SGCG: variants seen among roughly 807,000 people sequenced by gnomAD.
SGCG encodes the protein sarcoglycan gamma.
In SGCG, 26 loss-of-function variants were observed where a neutral mutation model predicts 29.3. The observed-to-expected ratio is 0.89, with a 90% confidence interval of 0.65 to 1.23. The LOEUF (loss-of-function observed/expected upper bound fraction) is 1.23, where lower values mean the gene tolerates loss of function less well. SGCG is among the 50% of genes most tolerant of loss of function. SGCG has a pLI of 0.00. For missense variants in SGCG, 353 were observed against 356.0 expected (o/e 0.99, Z 0.07); for synonymous variants, 145 against 129.7 (o/e 1.12, Z -0.80).
At chr13:23,227,735 A>G (rs78863041) in intron 2 of SGCG, among the ~76,000 whole-genome samples, 2 of 152,216 alleles carry the variant, frequency 1.3e-5, no homozygotes, top group East Asian at 3.8e-4. Flanking sequence ...AGGGACAGAA[A>G]TGAGATCAGT....
intron 2 of SGCG, among the ~76,000 whole-genome samples, chr13:23,216,797 C>A (rs1275859459): frequency 6.6e-6 from 1 of 152,118 alleles, no homozygotes; most frequent in Non-Finnish European, 1.5e-5. Context: ...TTGTTAATTA[C>A]ATAAAATGAT....
At chr13:23,284,897 G>A (rs935013211) in intron 5 of SGCG, among the ~76,000 whole-genome samples, 1 of 152,262 alleles carries the variant, frequency 6.6e-6, no homozygotes, top group African/African-American at 2.4e-5. Context: ...TTTGCTGGAC[G>A]TCCACTCCAG....
At chr13:23,288,974 G>A (rs915234885) in intron 5 of SGCG, among the ~76,000 whole-genome samples, 6 of 152,166 alleles carry the variant, frequency 3.9e-5, no homozygotes, top group Non-Finnish European at 5.9e-5. Context: ...AGCTAAGCAA[G>A]ATCACATAAA....
At chr13:23,210,103 A>T (rs9580573) in intron 2 of SGCG, among the ~76,000 whole-genome samples, 1 of 152,100 alleles carries the variant, frequency 6.6e-6, no homozygotes, top group Admixed American at 6.5e-5. Context: ...TTAAATAACT[A>T]GGGAAGCAGC....
At chr13:23,201,063 G>C (rs534180462) in intron 1 of SGCG, among the ~76,000 whole-genome samples, 2 of 152,262 alleles carry the variant, frequency 1.3e-5, no homozygotes, top group East Asian at 3.9e-4. Context: ...CTCCAGCCTC[G>C]ATGTTAGAAA....
intron 3 of SGCG, chr13:23,243,403 A>T (rs757477842): frequency 5.2e-5 from 8 of 152,414 alleles, no homozygotes; most frequent in Admixed American, 1.3e-4. Flanking sequence ...GCTTGCCTAG[A>T]AACCCTGAGC....
chr13:23,195,449 A>AT lies in SGCG; in HGVS notation c.1-8236dup, dbSNP rs58854406. 4.2e-3 allele frequency among the ~76,000 whole-genome samples: 618 copies of AT among 147,450 alleles called. 1 individual carries two copies. The highest frequency in any genetic ancestry group is 6.3e-3 in the Non-Finnish European group (417 of 66,426). On this transcript the variant is annotated intron_variant, in intron 1 of 7. Transcript: ENST00000218867. ...GGCCTGTGGGTTTGAGCTTGTTTTT[A>AT]TTTTTTTTTTCCCTTTTAGTCACTT...
At chr13:23,259,342 A>G (rs1262599818) in intron 4 of SGCG, among the ~76,000 whole-genome samples, 1 of 152,142 alleles carries the variant, frequency 6.6e-6, no homozygotes, top group Non-Finnish European at 1.5e-5. Context: ...AGGTGTTTAT[A>G]GTATTCTCTG....
the SGCG span, among the ~76,000 whole-genome samples, chr13:23,166,345 G>A: frequency 1.3e-5 from 2 of 152,032 alleles, no homozygotes; most frequent in South Asian, 2.1e-4. Context: ...ACAGGCACAC[G>A]CCACCAAGCC....
intron 6 of SGCG, among the ~76,000 whole-genome samples, chr13:23,305,475 A>G (rs1308991760): frequency 2.6e-5 from 4 of 152,226 alleles, no homozygotes; most frequent in Non-Finnish European, 5.9e-5. Flanking sequence ...GCAAATAGGT[A>G]TAGTTTTACA....
At chr13:23,275,141 A>ATATATG (rs1358594186) in intron 4 of SGCG, among the ~76,000 whole-genome samples, 2 of 148,680 alleles carry the variant, frequency 1.3e-5, no homozygotes, top group East Asian at 2.0e-4. Context: ...ATATATATAT[A>ATATATG]TAGAAATGAG....
At chr13:23,247,935 G>A (rs1879778411) in intron 3 of SGCG, among the ~76,000 whole-genome samples, 1 of 138,226 alleles carries the variant, frequency 7.2e-6, no homozygotes, top group Non-Finnish European at 1.5e-5. Flanking sequence ...CCTGGCAACA[G>A]AGTGAAACTC....
At chr13:23,174,744 G>A in the SGCG span, among the ~76,000 whole-genome samples, 7 of 152,152 alleles carry the variant, frequency 4.6e-5, no homozygotes, top group Non-Finnish European at 1.0e-4. Context: ...AACACTGAGT[G>A]GCACTGGTTA....
chr13:23,216,456 G>C (rs1878432005), intron 2 of SGCG, among the ~76,000 whole-genome samples: 1 of 152,062 alleles, frequency 6.6e-6, no homozygotes, highest in African/African-American at 2.4e-5. Context: ...TTTATTACTA[G>C]ATTGATAACA....
At chr13:23,191,913 C>T (rs749435677) in intron 1 of SGCG, among the ~76,000 whole-genome samples, 5 of 152,018 alleles carry the variant, frequency 3.3e-5, no homozygotes, top group Non-Finnish European at 7.4e-5. Context: ...CGGCCGGGCG[C>T]GGTGGCTCAC....
intron 2 of SGCG, among the ~76,000 whole-genome samples, chr13:23,219,537 T>A (rs1365412717): frequency 1.3e-5 from 2 of 152,088 alleles, no homozygotes; most frequent in Non-Finnish European, 2.9e-5. Context: ...GAGGAGGATA[T>A]TTTTTAGGTT....
chr13:23,222,976 C>T (rs1878729641), intron 2 of SGCG, among the ~76,000 whole-genome samples: 1 of 151,814 alleles, frequency 6.6e-6, no homozygotes, highest in South Asian at 2.1e-4. Flanking sequence ...ATTTCGGGGG[C>T]CCAGAATAAG....
intron 4 of SGCG, among the ~76,000 whole-genome samples, chr13:23,276,341 C>T (rs569480993): frequency 1.3e-5 from 2 of 151,886 alleles, no homozygotes; most frequent in South Asian, 2.1e-4. Flanking sequence ...TTTTATTCAC[C>T]GCTATGCCTT....
intron 4 of SGCG, among the ~76,000 whole-genome samples, chr13:23,255,635 CATG>C (rs988716430): frequency 6.6e-6 from 1 of 152,142 alleles, no homozygotes; most frequent in Non-Finnish European, 1.5e-5. Context: ...GTAGATCCCT[CATG>C]ATTGGTTTAG....
Sources: gnomAD v4.1 joint callset for allele counts (sites outside exome capture counted in the v4.1 genomes callset) on GRCh38, gnomAD v4.1.1 for gene constraint, MANE v1.5 for transcripts, NCBI Gene and HGNC (gene_info 2026-07-23, HGNC 2026-07-21) for gene names.